The following EPHA7 variants were observed in gnomAD, a reference collection of about 807,000 sequenced individuals.
The protein encoded by EPHA7 is EPH receptor A7.
Under a neutral mutation model 112.6 loss-of-function variants are expected in EPHA7, and 25 were observed. The ratio of observed to expected loss-of-function variants is 0.22; its 90% CI spans 0.16 to 0.31. The LOEUF is 0.31. EPHA7 is among the 10% of genes least tolerant of loss of function. EPHA7 has a pLI of 1.00. For synonymous variants in EPHA7, 437 were observed against 406.5 expected (o/e 1.07, Z -0.90); for missense variants, 962 against 1,212.6 (o/e 0.79, Z 3.07).
chr6:93,270,705 T>G (rs1771173919), intron 6 of EPHA7, among the ~76,000 whole-genome samples: 1 of 151,710 alleles, frequency 6.6e-6, no homozygotes, highest in Non-Finnish European at 1.5e-5. Flanking sequence ...AATATATACT[T>G]AAGCTTGATT....
intron 3 of EPHA7, among the ~76,000 whole-genome samples, chr6:93,383,249 C>A (rs922626281): frequency 1.4e-5 from 2 of 141,724 alleles, no homozygotes; most frequent in Non-Finnish European, 3.0e-5. Context: ...TATACAATGA[C>A]TTATATTGGA....
At chr6:93,301,679 A>G (rs1317003998) in intron 5 of EPHA7, among the ~76,000 whole-genome samples, 1 of 152,190 alleles carries the variant, frequency 6.6e-6, no homozygotes, top group East Asian at 1.9e-4. Flanking sequence ...CAGAGGAGCC[A>G]AAGTTCTATG....
At chr6:93,319,672 C>T (rs1315694503) in intron 5 of EPHA7, among the ~76,000 whole-genome samples, 2 of 151,932 alleles carry the variant, frequency 1.3e-5, no homozygotes, top group African/African-American at 4.8e-5. Context: ...TATAGAACAA[C>T]GAAGACCTAC....
intron 5 of EPHA7, among the ~76,000 whole-genome samples, chr6:93,313,258 A>G: frequency 6.6e-6 from 1 of 152,156 alleles, no homozygotes; most frequent in African/African-American, 2.4e-5. Context: ...AATATCCTTC[A>G]GATATTAATA....
intron 5 of EPHA7, among the ~76,000 whole-genome samples, chr6:93,353,382 A>G (rs1184565741): frequency 2.0e-5 from 3 of 152,180 alleles, no homozygotes; most frequent in African/African-American, 7.2e-5. Context: ...TTCAATACAA[A>G]TCTATCTTAA....
At chr6:93,339,091 A>G (rs1371199720) in intron 5 of EPHA7, among the ~76,000 whole-genome samples, 1 of 151,552 alleles carries the variant, frequency 6.6e-6, no homozygotes, top group African/African-American at 2.4e-5. Context: ...AACACTTAGC[A>G]TCATTTTTAA....
In EPHA7 at chr6:93,245,466, G is replaced by GA; in HGVS notation, c.2727-14dup. 1.2e-6 allele frequency: 2 copies of GA among 1,602,112 alleles called. No homozygotes were observed. Among genetic ancestry groups the GA allele is most frequent in the Non-Finnish European group, 1.7e-6 (2 of 1,176,702 alleles). On this transcript the variant is annotated splice_polypyrimidine_tract_variant and intron_variant, in intron 15 of 16. Coordinates refer to ENST00000369303, the MANE Select transcript of EPHA7 (RefSeq NM_004440.4). ...AGGGCTTATTGGCCTAGATAAAAAT[G>GA]AAACAGAAAAGCGAACATTATCCTG...
chr6:93,330,528 T>C (rs1774541323), intron 5 of EPHA7, among the ~76,000 whole-genome samples: 2 of 151,246 alleles, frequency 1.3e-5, no homozygotes, highest in Non-Finnish European at 3.0e-5. Context: ...TGAGAACATG[T>C]AGTAGTATTT....
At chr6:93,290,445 T>C (rs1463955680) in intron 5 of EPHA7, among the ~76,000 whole-genome samples, 1 of 152,158 alleles carries the variant, frequency 6.6e-6, no homozygotes, top group Non-Finnish European at 1.5e-5. Context: ...TCCATTCAAA[T>C]GATAGGTAAT....
rs1562143737 is a variant in EPHA7, at chr6:93,384,392, T to TA, written c.833-25982dup. Among the ~76,000 whole-genome samples the TA allele has an allele frequency of 3.3e-5, 5 of 152,308 alleles. No homozygotes were observed. The South Asian group carries it at 1.0e-3, about 32-fold the overall frequency. ...TTAACTTCCCTTAAAGTTATTACTA[T>TA]AGCCAAAATTTAATCATTATGCCCT... On this transcript the variant is annotated intron_variant, in intron 3 of 16. Transcript: ENST00000369303.
intron 7 of EPHA7, 72 bp from the exon 8 acceptor site, chr6:93,264,774 A>G (rs1582411987): frequency 1.3e-6 from 1 of 762,356 alleles, no homozygotes; most frequent in Non-Finnish European, 2.0e-6. Flanking sequence ...ATAAAATTAG[A>G]GTTATCTTTT....
At chr6:93,257,651 T>C in intron 11 of EPHA7, 128 bp from the exon 12 acceptor site, 1 of 621,966 alleles carries the variant, frequency 1.6e-6, no homozygotes, top group Non-Finnish European at 2.7e-6. Context: ...AGCATTTCTT[T>C]TATTGTTGCT....
intron 5 of EPHA7, among the ~76,000 whole-genome samples, chr6:93,321,090 A>G (rs943560399): frequency 2.4e-4 from 37 of 152,102 alleles, no homozygotes; most frequent in African/African-American, 8.2e-4. Context: ...TATATGAATT[A>G]GTATTTATAT....
At chr6:93,413,377 T>C (rs1304150240) in intron 2 of EPHA7, among the ~76,000 whole-genome samples, 1 of 151,938 alleles carries the variant, frequency 6.6e-6, no homozygotes, top group Non-Finnish European at 1.5e-5. Context: ...GTGTATTACA[T>C]GGATGAAATA....
intron 5 of EPHA7, among the ~76,000 whole-genome samples, chr6:93,354,026 T>C (rs909966989): frequency 2.0e-5 from 3 of 152,104 alleles, no homozygotes; most frequent in African/African-American, 7.2e-5. Context: ...ATTCTCTTAA[T>C]AAACCCTTTT....
chr6:93,255,695 A>C (rs947297230), intron 13 of EPHA7, 133 bp downstream of exon 13: 3 of 739,902 alleles, frequency 4.1e-6, no homozygotes, highest in Admixed American at 3.0e-5. Flanking sequence ...AACAAAAAAC[A>C]AAAAAAGCAA....
At chr6:93,344,645 G>A (rs1582560304) in intron 5 of EPHA7, among the ~76,000 whole-genome samples, 1 of 151,702 alleles carries the variant, frequency 6.6e-6, no homozygotes, top group East Asian at 1.9e-4. Context: ...TCTACCTCAA[G>A]TTATCAGTAA....
At chr6:93,417,666 A>C (rs879872579) in intron 1 of EPHA7, among the ~76,000 whole-genome samples, 16 of 152,114 alleles carry the variant, frequency 1.1e-4, no homozygotes, top group Non-Finnish European at 1.8e-4. Flanking sequence ...CTGGTCCGCT[A>C]TTCCAGAGGA....
At chr6:93,361,202 A>AT (rs2127950345) in intron 3 of EPHA7, among the ~76,000 whole-genome samples, 1 of 152,168 alleles carries the variant, frequency 6.6e-6, no homozygotes, top group Admixed American at 6.5e-5. Context: ...AAGTCTTAAC[A>AT]TTTTTTCTTT....
Sources: allele counts gnomAD v4.1 joint callset (sites outside exome capture counted in the v4.1 genomes callset), GRCh38; gene constraint gnomAD v4.1.1; transcripts MANE v1.5; gene names NCBI Gene and HGNC (gene_info 2026-07-23, HGNC 2026-07-21).